FERMT2: variants seen among roughly 807,000 people sequenced by gnomAD.
FERMT2 encodes the protein FERM domain containing kindlin 2, also known as fermitin family homolog 2.
In FERMT2, 15 loss-of-function variants were observed where a neutral mutation model predicts 82.7. The ratio of observed to expected loss-of-function variants is 0.18; its 90% CI spans 0.12 to 0.28. The LOEUF (loss-of-function observed/expected upper bound fraction) is 0.28, where lower values mean the gene tolerates loss of function less well. Ranked by LOEUF, FERMT2 falls within the 10% of genes least tolerant of loss-of-function variation. FERMT2 has a pLI of 1.00. For missense variants in FERMT2, 645 were observed against 809.4 expected (o/e 0.80, Z 2.46); for synonymous variants, 274 against 271.5 (o/e 1.01, Z -0.09).
At chr14:52,925,415 G>T (rs1889199352) in intron 2 of FERMT2, among the ~76,000 whole-genome samples, 2 of 151,936 alleles carry the variant, frequency 1.3e-5, no homozygotes, top group African/African-American at 4.8e-5. Flanking sequence ...AAAATTAGCT[G>T]GGCCTGTTGG....
At chr14:52,948,223 A>G (rs1475362623) in intron 2 of FERMT2, among the ~76,000 whole-genome samples, 1 of 152,108 alleles carries the variant, frequency 6.6e-6, no homozygotes, top group African/African-American at 2.4e-5. Flanking sequence ...GCCCTTTAAT[A>G]CCTTCAGTGA....
chr14:52,936,640 C>T (rs938916385), intron 2 of FERMT2, among the ~76,000 whole-genome samples: 1 of 152,180 alleles, frequency 6.6e-6, no homozygotes, highest in Non-Finnish European at 1.5e-5. Context: ...GCTGGGAATT[C>T]TCATCCTCTT....
Position 52,950,404 on chromosome 14 carries a change from C to A in FERMT2, c.157+8G>T. The A allele has an allele frequency of 6.2e-7, 1 of 1,610,286 alleles. No individual in the cohort carries two copies. The highest frequency in any genetic ancestry group is 8.5e-7 in the Non-Finnish European group (1 of 1,178,214). On this transcript the variant is annotated splice_region_variant and intron_variant, in intron 2 of 14. Transcript: ENST00000341590. ...TCATTAGTTGGACGCGGCTGGGATG[C>A]TACTCACCGAGTTTCTCCACCAGCT...
At chr14:52,946,001 C>T (rs932609987) in intron 2 of FERMT2, among the ~76,000 whole-genome samples, 1 of 152,100 alleles carries the variant, frequency 6.6e-6, no homozygotes, top group Non-Finnish European at 1.5e-5. Flanking sequence ...CTCAGCCTCC[C>T]GAGTAGCTGG....
intron 4 of FERMT2, among the ~76,000 whole-genome samples, chr14:52,883,307 C>G (rs952688642): frequency 6.6e-6 from 1 of 152,146 alleles, no homozygotes; most frequent in Non-Finnish European, 1.5e-5. Flanking sequence ...TTAAACTAGA[C>G]AGGTATTTTT....
Position 52,881,119 on chromosome 14 carries a change from A to G in FERMT2, c.772T>C (p.Ser258Pro), listed in dbSNP as rs1886269114. 2 of 1,613,376 alleles carry G rather than the reference A, an allele frequency of 1.2e-6. No homozygotes were observed. The highest frequency in any genetic ancestry group is 1.7e-6 in the Non-Finnish European group (2 of 1,179,562). The change falls in exon 6 of 15, where the codon TCT (serine) becomes CCT (proline). Residue 258 changes from serine to proline, a missense_variant. Coordinates refer to ENST00000341590, the MANE Select transcript of FERMT2 (RefSeq NM_006832.3). ...TCCTTCACATCTTGTTCCATGAGAG[A>G]TCTTGAGGAATCAAGCCATCTGGAC... The part of the protein sequence containing the change: ...INQGWLDSSR[S>P]LMEQDVKENE...
chr14:52,935,845 A>C (rs1889811468), intron 2 of FERMT2, among the ~76,000 whole-genome samples: 1 of 152,212 alleles, frequency 6.6e-6, no homozygotes. Flanking sequence ...TACGAATCTG[A>C]GATAATGTCT....
intron 2 of FERMT2, among the ~76,000 whole-genome samples, chr14:52,934,043 T>C (rs1889723184): frequency 6.6e-6 from 1 of 152,202 alleles, no homozygotes; most frequent in Non-Finnish European, 1.5e-5. Flanking sequence ...CCTTAGCACT[T>C]TGAATGATAT....
chr14:52,864,010 T>A (rs2140060974), intron 12 of FERMT2, among the ~76,000 whole-genome samples: 1 of 152,314 alleles, frequency 6.6e-6, no homozygotes, highest in Admixed American at 6.5e-5. Context: ...AGATTTTTTT[T>A]TTTAATGACC....
rs1025608690 is a variant in FERMT2, at chr14:52,864,456, A to C, written c.1547T>G (p.Ile516Arg). ...GGGAGACACCAAACATTCAGGAGTT[A>C]TATCAGTCGTGATCTGCTCTGGTAT... ...QLIPEQITTDITPECLVSPRY... is the reference protein window; with the variant it reads ...QLIPEQITTDRTPECLVSPRY... The change falls in exon 12 of 15, where the codon ATA becomes AGA. Residue 516 changes from isoleucine (I) to arginine (R), a missense_variant. Ile to Arg is a moderately conservative substitution (Grantham distance 97, BLOSUM62 -3). Coordinates refer to ENST00000341590, the MANE Select transcript of FERMT2 (RefSeq NM_006832.3). The C allele has an allele frequency of 6.2e-7, 1 of 1,614,032 alleles. No homozygotes were observed. The highest frequency in any genetic ancestry group is 1.7e-5 in the Admixed American group (1 of 59,998).
chr14:52,950,373 G>A (rs1167811385), intron 2 of FERMT2, 39 bp downstream of exon 2: 1 of 1,596,592 alleles, frequency 6.3e-7, no homozygotes, highest in Non-Finnish European at 8.6e-7. Flanking sequence ...TACCAATTCT[G>A]GGAAGTCATT....
At chr14:52,860,611 TGG>T in intron 12 of FERMT2, 146 bp from the exon 13 acceptor site, 1 of 679,100 alleles carries the variant, frequency 1.5e-6, no homozygotes, top group African/African-American at 1.8e-5. Context: ...AAGCTACATT[TGG>T]ACACTGTAAT....
chr14:52,937,566 T>C (rs1889900937), intron 2 of FERMT2, among the ~76,000 whole-genome samples: 1 of 152,192 alleles, frequency 6.6e-6, no homozygotes, highest in Admixed American at 6.5e-5. Context: ...AATCAGATCA[T>C]TGACTCAAAG....
intron 10 of FERMT2, among the ~76,000 whole-genome samples, chr14:52,870,342 C>CA (rs1296980314): frequency 6.6e-6 from 1 of 151,934 alleles, no homozygotes; most frequent in African/African-American, 2.4e-5. Flanking sequence ...CTCCACCTCC[C>CA]AGGTTCAAGC....
intron 3 of FERMT2, among the ~76,000 whole-genome samples, chr14:52,894,058 C>T (rs1594958377): frequency 6.6e-6 from 1 of 152,162 alleles, no homozygotes; most frequent in Admixed American, 6.5e-5. Context: ...GAACTCCTGA[C>T]CTCAGGTGAT....
intron 4 of FERMT2, among the ~76,000 whole-genome samples, chr14:52,892,217 C>G (rs1017091977): frequency 6.8e-6 from 1 of 146,522 alleles, no homozygotes; most frequent in African/African-American, 2.6e-5. Flanking sequence ...GGTTGGCTCA[C>G]TGCAACCTCC....
intron 3 of FERMT2, among the ~76,000 whole-genome samples, chr14:52,911,128 T>C (rs1888286896): frequency 6.6e-6 from 1 of 152,148 alleles, no homozygotes; most frequent in Non-Finnish European, 1.5e-5. Context: ...TCTGTAAAGA[T>C]AGTAAATATT....
At chr14:52,904,876 A>G (rs1251672895) in intron 3 of FERMT2, among the ~76,000 whole-genome samples, 1 of 151,934 alleles carries the variant, frequency 6.6e-6, no homozygotes, top group East Asian at 1.9e-4. Context: ...GCCAAAAATT[A>G]TAATAGTTAT....
At chr14:52,949,516 C>T (rs1026537423) in intron 2 of FERMT2, among the ~76,000 whole-genome samples, 2 of 150,534 alleles carry the variant, frequency 1.3e-5, no homozygotes, top group Non-Finnish European at 1.5e-5. Flanking sequence ...GTATTATGTA[C>T]AAAAGGCTCT....
Sources: gnomAD v4.1 joint callset for allele counts (sites outside exome capture counted in the v4.1 genomes callset) on GRCh38, gnomAD v4.1.1 for gene constraint, MANE v1.5 for transcripts, NCBI Gene and HGNC (gene_info 2026-07-23, HGNC 2026-07-21) for gene names.